The following CES1 variants were observed in gnomAD, a reference collection of about 807,000 sequenced individuals.
CES1 encodes the protein carboxylesterase 1.
In CES1, 50 loss-of-function variants were observed where a neutral mutation model predicts 53.0. The observed-to-expected ratio is 0.94, with a 90% CI of 0.75 to 1.19. The LOEUF is 1.19. CES1 is among the 50% of genes most tolerant of loss of function. The pLI is 0.00. For synonymous variants in CES1, 202 were observed against 210.1 expected (o/e 0.96, Z 0.33); for missense variants, 534 against 538.0 (o/e 0.99, Z 0.07).
At chr16:55,829,536 T>G (rs1392975559) in intron 1 of CES1, among the ~76,000 whole-genome samples, 2 of 151,956 alleles carry the variant, frequency 1.3e-5, no homozygotes, top group African/African-American at 4.8e-5. Context: ...TGAGGGGAGA[T>G]GAGAAGCAGA....
intron 4 of CES1, 46 bp from the exon 5 acceptor site, chr16:55,821,567 G>A: frequency 5.0e-6 from 8 of 1,610,166 alleles, no homozygotes; most frequent in Non-Finnish European, 6.8e-6. Flanking sequence ...GAGATGTCAT[G>A]CAGGACCTTC....
At chr16:55,809,339 G>C (rs2031583659) in intron 11 of CES1, among the ~76,000 whole-genome samples, 1 of 152,198 alleles carries the variant, frequency 6.6e-6, no homozygotes, top group African/African-American at 2.4e-5. Flanking sequence ...CCTGTGCAAA[G>C]GTGTGTCAGG....
intron 11 of CES1, among the ~76,000 whole-genome samples, chr16:55,809,461 G>T (rs1257639532): frequency 5.3e-5 from 8 of 152,206 alleles, no homozygotes; most frequent in Non-Finnish European, 8.8e-5. Context: ...CAGACTAGGC[G>T]AATGAGAGCT....
chr16:55,830,180 C>T (rs28718916), intron 1 of CES1, among the ~76,000 whole-genome samples: 87 of 152,328 alleles, frequency 5.7e-4, no homozygotes, highest in African/African-American at 2.0e-3. Context: ...CAATGGAAAC[C>T]CATTATGGAA....
At chr16:55,829,061 G>A in intron 1 of CES1, 87 bp from the exon 2 acceptor site, 2 of 1,427,948 alleles carry the variant, frequency 1.4e-6, no homozygotes, top group Non-Finnish European at 1.9e-6. Flanking sequence ...CTAAGTGAGT[G>A]ACCTTAAATA....
intron 8 of CES1, among the ~76,000 whole-genome samples, chr16:55,814,466 C>T (rs1442308235): frequency 2.0e-5 from 3 of 152,264 alleles, no homozygotes; most frequent in East Asian, 3.8e-4. Flanking sequence ...CTGCTACTTA[C>T]TGGCTGGGAG....
intron 2 of CES1, among the ~76,000 whole-genome samples, chr16:55,826,544 C>T (rs2142349377): frequency 6.6e-6 from 1 of 152,268 alleles, no homozygotes; most frequent in South Asian, 2.1e-4. Context: ...CTTTGGAACT[C>T]CCAGCATCAA....
intron 11 of CES1, among the ~76,000 whole-genome samples, chr16:55,808,613 TA>T (rs1246316004): frequency 3.3e-5 from 5 of 152,182 alleles, no homozygotes; most frequent in Non-Finnish European, 7.3e-5. Flanking sequence ...CCTAGTTATT[TA>T]CTTCTAAAAA....
intron 9 of CES1, among the ~76,000 whole-genome samples, chr16:55,811,979 C>G (rs1392802414): frequency 1.3e-5 from 2 of 152,178 alleles, no homozygotes; most frequent in African/African-American, 2.4e-5. Context: ...AGGATGAAGA[C>G]ATCCAGGTGG....
Position 55,825,908 on chromosome 16 carries a change from G to A in CES1, c.405+243C>T, listed in dbSNP as rs543170136. 5.4e-4 allele frequency among the ~76,000 whole-genome samples: 82 copies of A among 152,330 alleles called. 1 individual carries two copies. Among genetic ancestry groups the A allele is most frequent in the Admixed American group, 1.3e-4 (2 of 15,306 alleles). On this transcript the variant is annotated intron_variant, in intron 3 of 13. Transcript: ENST00000360526. ...CATTCTCATCCTTCTATTAGCATGA[G>A]GGAACTTGGAACAATTAAGATGTTC...
intron 9 of CES1, chr16:55,812,412 C>T (rs189527394): frequency 1.3e-5 from 3 of 225,956 alleles, no homozygotes; most frequent in Non-Finnish European, 2.7e-5. Flanking sequence ...TCTTAGTAGA[C>T]GCTGATGTCT....
chr16:55,831,828 C>T (rs1178435333), intron 1 of CES1, among the ~76,000 whole-genome samples: 39 of 151,284 alleles, frequency 2.6e-4, no homozygotes, highest in East Asian at 2.2e-3. Flanking sequence ...GCGTGATTTT[C>T]GGGTTGACCC....
chr16:55,814,425 A>G (rs2031840793), intron 8 of CES1, among the ~76,000 whole-genome samples: 2 of 152,232 alleles, frequency 1.3e-5, no homozygotes, highest in African/African-American at 4.8e-5. Flanking sequence ...ATGGACTTTG[A>G]AACCAGATTA....
chr16:55,812,892 T>G lies in CES1; in HGVS notation c.1086+11A>C, dbSNP rs201408567. The G allele has an allele frequency of 2.2e-3, 3,525 of 1,613,478 alleles. No individual in the cohort carries two copies. Among genetic ancestry groups the G allele is most frequent in the Non-Finnish European group, 2.6e-3 (3,044 of 1,179,626 alleles). Reference sequence around the variant, plus strand: ...TGGTTGAGTCCCTCCAACAGACATGTGCCTTCTCACCATTGGAATCAACCA... The same window carrying G: ...TGGTTGAGTCCCTCCAACAGACATGGGCCTTCTCACCATTGGAATCAACCA... On this transcript the variant is annotated intron_variant, in intron 9 of 13. Coordinates refer to ENST00000360526, the MANE Select transcript of CES1 (RefSeq NM_001025195.2).
chr16:55,830,414 T>G (rs2032590003), intron 1 of CES1, among the ~76,000 whole-genome samples: 2 of 152,172 alleles, frequency 1.3e-5, no homozygotes, highest in African/African-American at 4.8e-5. Flanking sequence ...ATTTCCGGTC[T>G]TCACCTGAAA....
chr16:55,809,254 C>A (rs1376566282), intron 11 of CES1, among the ~76,000 whole-genome samples: 8 of 152,182 alleles, frequency 5.3e-5, no homozygotes, highest in African/African-American at 1.2e-4. Flanking sequence ...AGAACAGATT[C>A]AACTCCAGTG....
intron 3 of CES1, 90 bp downstream of exon 3, chr16:55,826,061 C>T: frequency 6.5e-7 from 1 of 1,537,338 alleles, no homozygotes; most frequent in Admixed American, 1.7e-5. Context: ...CAGCTCCCTC[C>T]CCAAGCTGCC....
chr16:55,828,170 GAGGCCAAT>G, intron 2 of CES1: 4 of 181,222 alleles, frequency 2.2e-5, no homozygotes, highest in South Asian at 2.3e-4. Flanking sequence ...GAGTGATGGT[GAGGCCAAT>G]TAGAACCTTT....
chr16:55,811,469 A>G (rs2142315530), intron 9 of CES1, among the ~76,000 whole-genome samples: 1 of 152,290 alleles, frequency 6.6e-6, no homozygotes, highest in South Asian at 2.1e-4. Flanking sequence ...GGTCTTTGGT[A>G]TAACCTCTGA....
Sources: allele counts gnomAD v4.1 joint callset (sites outside exome capture counted in the v4.1 genomes callset), GRCh38; gene constraint gnomAD v4.1.1; transcripts MANE v1.5; gene names NCBI Gene and HGNC (gene_info 2026-07-23, HGNC 2026-07-21).